STKLD1: variants seen among roughly 807,000 people sequenced by gnomAD.
STKLD1 encodes the protein serine/threonine kinase-like domain-containing protein STKLD1.
In STKLD1, 79 loss-of-function variants were observed where a neutral mutation model predicts 80.4. The ratio of observed to expected loss-of-function variants is 0.98; its 90% CI spans 0.82 to 1.19. The LOEUF is 1.19. Among genes scored for constraint, STKLD1 ranks in the 50% most tolerant of loss-of-function variants. The probability of loss-of-function intolerance (pLI) is 0.00; values close to 1 mark genes in which losing one functional copy is unlikely to be tolerated. For synonymous variants in STKLD1, 393 were observed against 357.6 expected (o/e 1.10, Z -1.12); for missense variants, 841 against 856.0 (o/e 0.98, Z 0.22).
At position 133,376,518 on chromosome 9, in the gene STKLD1, G is replaced by A. The variant is rs2130248784; in HGVS notation, c.45G>A (p.Glu15=). ...ATCGCAGGCGCCCCACGCAGGGGGA[G>A]CGAGGCCCAGGGTCCCCCGGAGAGC... is the stretch of plus-strand genomic sequence containing the variant. ...GSNRRRPTQG[E]RGPGSPGEPM... is the part of the protein sequence containing the mutation. The change falls in exon 1 of 18, where the codon GAG becomes GAA. Residue 15 remains glutamate, a synonymous_variant. Transcript: ENST00000371957. 3 of 1,601,594 alleles carry A rather than the reference G, an allele frequency of 1.9e-6. No individual in the cohort carries two copies. The highest frequency in any genetic ancestry group is 8.5e-7 in the Non-Finnish European group (1 of 1,175,802).
chr9:133,398,885 C>T (rs993160468), intron 11 of STKLD1, among the ~76,000 whole-genome samples: 2 of 152,160 alleles, frequency 1.3e-5, no homozygotes, highest in African/African-American at 2.4e-5. Context: ...CAGGGTCTCG[C>T]TCTGTCCCCC....
rs1016168382 is a variant in STKLD1 at position 133,403,557 on chromosome 9, C to T, written c.1475-143C>T. On this transcript the variant is annotated intron_variant, in intron 14 of 17. Coordinates refer to ENST00000371957, the MANE Select transcript of STKLD1 (RefSeq NM_153710.5). ...GCCTCTCCTGGGCTAACCCCTGCACCCGTCTCTGAGGACAGTTGACCTTTC... is the reference window on the plus strand; with the variant it reads ...GCCTCTCCTGGGCTAACCCCTGCACTCGTCTCTGAGGACAGTTGACCTTTC... The T allele has an allele frequency of 1.0e-5, 11 of 1,066,174 alleles. No homozygotes were observed. The African/African-American group carries it at 1.8e-4, about 17-fold the overall frequency. The allele number at this position is 1,066,174 out of a possible 1,614,324, so 66.0% of individuals were successfully genotyped here.
At chr9:133,382,663 GTGA>G (rs1218029903) in intron 2 of STKLD1, among the ~76,000 whole-genome samples, 12 of 151,410 alleles carry the variant, frequency 7.9e-5, no homozygotes, top group Admixed American at 2.0e-4. Context: ...TGGTGTGATG[GTGA>G]TGATAGTAAT....
Position 133,402,888 on chromosome 9 carries a change from A to G in STKLD1, c.1350A>G (p.Ser450=). Residue 450 remains serine, a synonymous_variant, in exon 14 of 18, where the codon TCA becomes TCG. Transcript: ENST00000371957. ...CTGGCTCACCCACAGAGTCAGAGTC[A>G]CTGTCAGAGGAGCTGCAGAATGCTG... ...LAITTTQESE[S]LSEELQNAGL... 6.3e-7 allele frequency: 1 copy of G among 1,595,914 alleles called. No homozygotes were observed. Among genetic ancestry groups the G allele is most frequent in the Non-Finnish European group, 8.5e-7 (1 of 1,171,656 alleles).
chr9:133,397,211 G>T lies in STKLD1; in HGVS notation c.914G>T (p.Cys305Phe), dbSNP rs1222668679. 10 of 1,613,838 alleles carry T rather than the reference G, an allele frequency of 6.2e-6. No individual in the cohort carries two copies. Among genetic ancestry groups the T allele is most frequent in the Non-Finnish European group, 8.5e-6 (10 of 1,180,022 alleles). The change falls in exon 10 of 18, where the codon TGC becomes TTC. Residue 305 changes from cysteine to phenylalanine, a missense_variant. Coordinates refer to ENST00000371957, the MANE Select transcript of STKLD1 (RefSeq NM_153710.5). ...TFLRGSFKSS[C>F]VSLTLHRQMV... ...TTGAGAGGCTCCTTCAAGTCCTCGT[G>T]CGTCTCTCTGACCCTGCACCGGCAG...
chr9:133,378,257 C>T (rs1225052247), intron 1 of STKLD1, among the ~76,000 whole-genome samples: 2 of 152,176 alleles, frequency 1.3e-5, no homozygotes, highest in Non-Finnish European at 2.9e-5. Flanking sequence ...TTATGGGCTC[C>T]GAGAGTCCCT....
At chr9:133,388,880 G>C (rs1838322054) in intron 5 of STKLD1, 1 of 985,386 alleles carries the variant, frequency 1.0e-6, no homozygotes, top group Non-Finnish European at 1.2e-6. Context: ...TTCAGACTTT[G>C]TGAGTGAAGC....
chr9:133,386,448 C>T (rs186141471), intron 4 of STKLD1, among the ~76,000 whole-genome samples: 59 of 152,348 alleles, frequency 3.9e-4, no homozygotes, highest in Admixed American at 7.2e-4. Context: ...CACAGCCACC[C>T]GACACCGGTG....
rs782047601 is a variant in STKLD1 at position 133,394,360 on chromosome 9, G to C, written c.653G>C (p.Trp218Ser). 6.2e-7 allele frequency: 1 copy of C among 1,613,876 alleles called. No individual in the cohort carries two copies. Among genetic ancestry groups the C allele is most frequent in the East Asian group, 2.2e-5 (1 of 44,868 alleles). Residue 218 changes from tryptophan to serine, a missense_variant, in exon 8 of 18, where the codon TGG becomes TCG. Physicochemically the swap from Trp to Ser is radical, Grantham distance 177. Transcript: ENST00000371957. The surrounding 1 kb of genome is among the most constrained non-coding windows in gnomAD (Gnocchi z 4.9). ...TCCTTCAGCCAGAAATCAGACATCT[G>C]GTCCCTGGGCTGCATCATTCTGGAC... ...NFSFSQKSDI[W>S]SLGCIILDMT...
chr9:133,403,454 GA>G (rs1484482489), intron 14 of STKLD1, among the ~76,000 whole-genome samples: 1 of 152,128 alleles, frequency 6.6e-6, no homozygotes, highest in Non-Finnish European at 1.5e-5. Flanking sequence ...AGCGCCCCAG[GA>G]AAAAGAGAGC....
intron 2 of STKLD1, among the ~76,000 whole-genome samples, 191 bp from the exon 3 acceptor site, chr9:133,383,649 GATGGCAGTGATGGTGA>G (rs1838203417): frequency 1.3e-5 from 2 of 150,596 alleles, no homozygotes; most frequent in Non-Finnish European, 3.0e-5. Flanking sequence ...TGATGGTGAT[GATGGCAGTGATGGTGA>G]TGATGGTGAT....
chr9:133,392,607 A>ATGGATGGG (rs1838428993), intron 7 of STKLD1, among the ~76,000 whole-genome samples: 13 of 69,756 alleles, frequency 1.9e-4, no homozygotes, highest in Middle Eastern at 0.01. Context: ...GGATGGGTGG[A>ATGGATGGG]TGGATGGATG....
At chr9:133,386,433 G>A (rs2130277502) in intron 4 of STKLD1, among the ~76,000 whole-genome samples, 81 of 152,300 alleles carry the variant, frequency 5.3e-4, no homozygotes, top group Non-Finnish European at 1.0e-3. Context: ...GTTGACCTCC[G>A]TCTCCACAGC....
chr9:133,404,863 C>G lies in STKLD1; in HGVS notation c.1807C>G (p.Leu603Val), dbSNP rs1185875257. 4 of 1,613,232 alleles carry G rather than the reference C, an allele frequency of 2.5e-6. No individual in the cohort carries two copies. The East Asian group carries it at 8.9e-5, about 36-fold the overall frequency. Residue 603 changes from leucine to valine, a missense_variant, in exon 17 of 18, where the codon CTC (leucine) becomes GTC (valine). Leu to Val is a conservative substitution (Grantham distance 32). Transcript: ENST00000371957. Reference sequence around the variant, plus strand: ...CAGCCTCATCAAGGAGACCTACCAGCTCCACAGGGACGACCCGGAGGTGGT... The same window carrying G: ...CAGCCTCATCAAGGAGACCTACCAGGTCCACAGGGACGACCCGGAGGTGGT... ...GLSLIKETYQ[L>V]HRDDPEVVEN...
At chr9:133,377,231 A>T (rs1007329270) in intron 1 of STKLD1, among the ~76,000 whole-genome samples, 1 of 152,078 alleles carries the variant, frequency 6.6e-6, no homozygotes, top group Admixed American at 6.5e-5. Context: ...TTAAAAAAAA[A>T]TAGACGTTTC....
At position 133,389,267 on chromosome 9, in the gene STKLD1, A is replaced by G; in HGVS notation, c.397-259A>G. On this transcript the variant is annotated intron_variant, in intron 5 of 17. Coordinates refer to ENST00000371957, the MANE Select transcript of STKLD1 (RefSeq NM_153710.5). The surrounding 1 kb of genome is among the most constrained non-coding windows in gnomAD (Gnocchi z 6.4). Reference sequence around the variant, plus strand: ...TAGGGTGCAGGGATGGGGCCCCTGCAGCACCCAGGGTCTCTGGTATGGAGA... The same window carrying G: ...TAGGGTGCAGGGATGGGGCCCCTGCGGCACCCAGGGTCTCTGGTATGGAGA... The G allele has an allele frequency of 4.1e-6, 4 of 985,176 alleles. No homozygotes were observed. The highest frequency in any genetic ancestry group is 4.8e-6 in the Non-Finnish European group (4 of 829,866). 61.0% of individuals were successfully genotyped at this position (985,176 alleles called of 1,614,324 possible).
intron 2 of STKLD1, among the ~76,000 whole-genome samples, chr9:133,383,269 G>GTGATGA (rs1838185041): frequency 3.4e-5 from 2 of 58,668 alleles, no homozygotes; most frequent in Non-Finnish European, 3.7e-5. Context: ...TGGAGTGATG[G>GTGATGA]TGGTAATGGT....
chr9:133,389,224 G>A lies in STKLD1; in HGVS notation c.397-302G>A. On this transcript the variant is annotated intron_variant, in intron 5 of 17. Coordinates refer to ENST00000371957, the MANE Select transcript of STKLD1 (RefSeq NM_153710.5). The surrounding 1 kb of genome is among the most constrained non-coding windows in gnomAD (Gnocchi z 6.4). ...GCCTTCAGCTCCCAGCAAGTGTGGG[G>A]CAGCGCGGGCCACAGAGTAGGGTGC... 1 of 985,380 alleles carries A rather than the reference G, an allele frequency of 1.0e-6. No individual in the cohort carries two copies. The highest frequency in any genetic ancestry group is 1.7e-5 in the African/African-American group (1 of 57,324). 61.0% of individuals were successfully genotyped at this position (985,380 alleles called of 1,614,324 possible).
At chr9:133,402,434 T>A (rs1443947033) in intron 13 of STKLD1, among the ~76,000 whole-genome samples, 1 of 152,184 alleles carries the variant, frequency 6.6e-6, no homozygotes, top group Non-Finnish European at 1.5e-5. Context: ...ACAGACTGGA[T>A]AACTGATGAT....
Sources: gnomAD v4.1 joint callset for allele counts (sites outside exome capture counted in the v4.1 genomes callset) on GRCh38, gnomAD v4.1.1 for gene constraint, Gnocchi (gnomAD v3.1) non-coding constraint, MANE v1.5 for transcripts, NCBI Gene and HGNC (gene_info 2026-07-23, HGNC 2026-07-21) for gene names.